The following C13orf46 variants were observed in gnomAD, a reference collection of about 807,000 sequenced individuals.
C13orf46 encodes the protein chromosome 13 open reading frame 46, also known as uncharacterized protein C13orf46.
intron 1 of C13orf46, among the ~76,000 whole-genome samples, chr13:113,971,650 C>T (rs935738472): frequency 6.6e-6 from 1 of 152,232 alleles, no homozygotes; most frequent in Admixed American, 6.5e-5. Context: ...GGCCACCCCA[C>T]GTCTCCCGCA....
chr13:113,930,397 G>A, the C13orf46 span, among the ~76,000 whole-genome samples: 3 of 151,030 alleles, frequency 2.0e-5, no homozygotes, highest in African/African-American at 7.4e-5. Flanking sequence ...CAGGAGCACC[G>A]AGGCGGGGGC....
At chr13:113,951,353 G>C (rs1016632962), downstream of C13orf46, among the ~76,000 whole-genome samples, 5 of 152,316 alleles carry the variant, frequency 3.3e-5, no homozygotes, top group Admixed American at 3.3e-4. Flanking sequence ...TGCGGGCCGG[G>C]CTGGAGCCGG....
At chr13:113,939,984 T>C in the C13orf46 span, among the ~76,000 whole-genome samples, 2 of 152,186 alleles carry the variant, frequency 1.3e-5, no homozygotes, top group Non-Finnish European at 2.9e-5. Context: ...GTCTGTCATG[T>C]GTGTGGGCTC....
Position 113,957,706 on chromosome 13 carries a change from C to T in C13orf46, c.573-867G>A, listed in dbSNP as rs1351050186. Among the ~76,000 whole-genome samples the T allele has an allele frequency of 3.2e-3, 444 of 138,254 alleles. 6 individuals carry two copies. Among genetic ancestry groups the T allele is most frequent in the African/African-American group, 0.012 (423 of 35,918 alleles). The allele number at this position is 138,254 out of a possible 152,430, so 90.7% of individuals were successfully genotyped here. Reference sequence around the variant, plus strand: ...TCTGCACTCCACATGTACCCCCTTTCATCAAGCACACTGGGGGTCTCCCCT... The same window carrying T: ...TCTGCACTCCACATGTACCCCCTTTTATCAAGCACACTGGGGGTCTCCCCT... On this transcript the variant is annotated intron_variant, in intron 6 of 6. Transcript: ENST00000636427.
the C13orf46 span, among the ~76,000 whole-genome samples, chr13:113,939,570 G>A: frequency 6.6e-6 from 1 of 152,192 alleles, no homozygotes; most frequent in Non-Finnish European, 1.5e-5. Flanking sequence ...CACTCAGCCT[G>A]GTTCACACCT....
intron 6 of C13orf46, among the ~76,000 whole-genome samples, chr13:113,963,304 C>G (rs1458378153): frequency 8.1e-6 from 1 of 122,926 alleles, no homozygotes; most frequent in Non-Finnish European, 1.8e-5. Flanking sequence ...CAGCTTCACC[C>G]CTGTCCTCAG....
chr13:113,972,363 A>G (rs115080095), intron 1 of C13orf46, among the ~76,000 whole-genome samples: 46 of 152,296 alleles, frequency 3.0e-4, no homozygotes, highest in African/African-American at 1.1e-3. Context: ...AGAAGAACAC[A>G]TATTTTTACA....
the C13orf46 span, among the ~76,000 whole-genome samples, chr13:113,938,680 G>A: frequency 6.6e-6 from 1 of 152,312 alleles, no homozygotes; most frequent in African/African-American, 2.4e-5. Context: ...TTTGGGAGGG[G>A]CCCTTGCTGT....
chr13:113,947,436 T>G, the C13orf46 span, among the ~76,000 whole-genome samples: 1 of 152,154 alleles, frequency 6.6e-6, no homozygotes, highest in African/African-American at 2.4e-5. Flanking sequence ...AGCAGGAGTT[T>G]CATTCTGCCC....
the C13orf46 span, among the ~76,000 whole-genome samples, chr13:113,937,968 G>A: frequency 3.3e-5 from 5 of 152,138 alleles, no homozygotes; most frequent in East Asian, 5.8e-4. Flanking sequence ...TGGGCAAATC[G>A]TGAGGCAGGC....
chr13:113,927,361 T>C, the C13orf46 span: 81 of 393,668 alleles, frequency 2.1e-4, no homozygotes, highest in African/African-American at 1.5e-3. Flanking sequence ...TTCCACTTGC[T>C]GCAGCTGGGG....
At chr13:113,951,945 C>T (rs1198380822), downstream of C13orf46, among the ~76,000 whole-genome samples, 3 of 152,244 alleles carry the variant, frequency 2.0e-5, no homozygotes, top group African/African-American at 7.2e-5. Flanking sequence ...CTATGCCTCT[C>T]TCCGTATATG....
chr13:113,965,776 GTGA>G (rs1219481163), intron 5 of C13orf46, among the ~76,000 whole-genome samples: 5 of 101,760 alleles, frequency 4.9e-5, no homozygotes, highest in South Asian at 6.8e-4. Flanking sequence ...GATGGTGATG[GTGA>G]TGATGGTAAT....
the C13orf46 span, among the ~76,000 whole-genome samples, chr13:113,947,065 G>A: frequency 2.0e-5 from 3 of 152,256 alleles, no homozygotes; most frequent in African/African-American, 7.2e-5. Flanking sequence ...CAGACCCGGG[G>A]GCTGTCGTCA....
chr13:113,942,013 C>T, the C13orf46 span, among the ~76,000 whole-genome samples: 1 of 152,228 alleles, frequency 6.6e-6, no homozygotes, highest in South Asian at 2.1e-4. Flanking sequence ...CGGAGGCTCA[C>T]CCCCAGATTT....
intron 6 of C13orf46, among the ~76,000 whole-genome samples, chr13:113,964,005 C>T (rs1420026449): frequency 6.6e-6 from 1 of 152,116 alleles, no homozygotes; most frequent in Non-Finnish European, 1.5e-5. Context: ...CACCTGTCAC[C>T]ACGCCCAGCT....
rs1216871202 is a variant in C13orf46, at chr13:113,955,514, C to T, written c.*1259G>A. 2.5e-3 allele frequency: 137 copies of T among 55,164 alleles called. 3 individuals are homozygous for T. Among genetic ancestry groups the T allele is most frequent in the Admixed American group, 4.8e-3 (25 of 5,254 alleles). 3.4% of individuals were successfully genotyped at this position (55,164 alleles called of 1,614,324 possible). A position where few individuals can be genotyped will look rare whatever the true frequency, so the allele number is the denominator to read the frequency against. On this transcript the variant is annotated 3_prime_UTR_variant, in exon 7 of 7. Transcript: ENST00000636427. The stretch of plus-strand genomic sequence containing the variant: ...CGGAGACGAGGAGCATCTCGTGGAG[C>T]GGAGGAGCATCTGGCGGAGACGAGG...
the C13orf46 span, among the ~76,000 whole-genome samples, chr13:113,934,279 A>G: frequency 6.6e-6 from 1 of 152,194 alleles, no homozygotes; most frequent in Non-Finnish European, 1.5e-5. Context: ...CGCTGTTCCA[A>G]ATAAAGCTGC....
intron 6 of C13orf46, among the ~76,000 whole-genome samples, chr13:113,963,876 G>C (rs1211370396): frequency 1.3e-5 from 2 of 152,324 alleles, no homozygotes; most frequent in East Asian, 3.9e-4. Flanking sequence ...TTGAGATGGA[G>C]TTTCGCTCTT....
Sources: allele counts gnomAD v4.1 joint callset (sites outside exome capture counted in the v4.1 genomes callset), GRCh38; gene constraint gnomAD v4.1.1; transcripts MANE v1.5; gene names NCBI Gene and HGNC (gene_info 2026-07-23, HGNC 2026-07-21).